The following VIT variants were observed in gnomAD, a reference collection of about 807,000 sequenced individuals.
VIT encodes the protein vitrin.
In VIT, 99 loss-of-function variants were observed where a neutral mutation model predicts 78.0. That is an observed-to-expected ratio of 1.27 (90% CI 1.08 to 1.50). VIT has a LOEUF of 1.50. Among genes scored for constraint, VIT ranks in the 40% most tolerant of loss-of-function variants. The probability of loss-of-function intolerance (pLI) is 0.00; values close to 1 mark genes in which losing one functional copy is unlikely to be tolerated. For missense variants in VIT, 1,126 were observed against 875.3 expected (o/e 1.29, Z -3.61); for synonymous variants, 374 against 334.3 (o/e 1.12, Z -1.29).
At chr2:36,755,151 T>C in intron 5 of VIT, 97 bp downstream of exon 5, 3 of 1,330,504 alleles carry the variant, frequency 2.3e-6, no homozygotes, top group Non-Finnish European at 3.0e-6. Context: ...GCCCACCTCA[T>C]TTCATAAAAA....
chr2:36,781,754 C>G lies in VIT; in HGVS notation c.830C>G (p.Ser277Trp). ...LGEMDSWKPG[S>W]VLLDEGLVPK... ...GAGATGGACTCATGGAAACCTGGAT[C>G]GGTCCTTTTAGATGAAGGTAATTAT... The change falls in exon 10 of 16, where the codon TCG becomes TGG. Residue 277 changes from serine to tryptophan, a missense_variant. By Grantham distance (177) the Ser-to-Trp change is radical. Transcript: ENST00000379242. 6.2e-7 allele frequency: 1 copy of G among 1,614,122 alleles called. No homozygotes were observed. The highest frequency in any genetic ancestry group is 1.1e-5 in the South Asian group (1 of 91,078).
In VIT at chr2:36,814,335, GA is replaced by G; in HGVS notation, c.2057del (p.Glu686GlyfsTer32). 6.2e-7 allele frequency: 1 copy of G among 1,614,200 alleles called. No individual in the cohort carries two copies. The highest frequency in any genetic ancestry group is 8.5e-7 in the Non-Finnish European group (1 of 1,180,040). On this transcript the variant is annotated frameshift_variant, in exon 16 of 16. Transcript: ENST00000379242. LOFTEE classifies it high-confidence loss of function. Reference sequence around the variant, plus strand: ...CAGGATCATCCAGAACATTTGTACAGAGTTCAACTCACAGCCTCGGAACTGA... The same window carrying G: ...CAGGATCATCCAGAACATTTGTACAGGTTCAACTCACAGCCTCGGAACTGA... ...VPRIIQNICT[E>X]FNSQPRN
chr2:36,795,837 T>A (rs138825394), intron 12 of VIT, among the ~76,000 whole-genome samples: 18 of 152,288 alleles, frequency 1.2e-4, no homozygotes, highest in African/African-American at 4.1e-4. Flanking sequence ...AGTGCTGAAA[T>A]GCTAGCTAGC....
At position 36,755,295 on chromosome 2, in the gene VIT, T is replaced by C. The variant is rs112907535; in HGVS notation, c.409+241T>C. Reference sequence around the variant, plus strand: ...TTGTTTTAATTACACTGCAGTTATCTGTAAGTCCAATCAGATTTTTAATTA... The same window carrying C: ...TTGTTTTAATTACACTGCAGTTATCCGTAAGTCCAATCAGATTTTTAATTA... On this transcript the variant is annotated intron_variant, in intron 5 of 15. Transcript: ENST00000379242. Among the ~76,000 whole-genome samples, 511 of 152,374 alleles carry C rather than the reference T, an allele frequency of 3.4e-3. 5 individuals are homozygous for C. Among genetic ancestry groups the C allele is most frequent in the African/African-American group, 0.012 (500 of 41,584 alleles).
intron 5 of VIT, among the ~76,000 whole-genome samples, chr2:36,758,105 A>G (rs1237228892): frequency 2.0e-5 from 3 of 152,192 alleles, no homozygotes; most frequent in African/African-American, 4.8e-5. Flanking sequence ...TCATTACTAG[A>G]TGTAATATTG....
intron 15 of VIT, among the ~76,000 whole-genome samples, chr2:36,812,060 T>C (rs1398594343): frequency 3.3e-5 from 5 of 152,152 alleles, no homozygotes; most frequent in Admixed American, 2.0e-4. Context: ...GCTTAGACTG[T>C]CTAAACCCAG....
intron 12 of VIT, among the ~76,000 whole-genome samples, chr2:36,795,227 T>C (rs1665788779): frequency 6.6e-6 from 1 of 152,130 alleles, no homozygotes; most frequent in Admixed American, 6.5e-5. Flanking sequence ...ATCTCAAACT[T>C]GTAATTCCAG....
At chr2:36,730,503 C>T (rs1477798393) in intron 3 of VIT, among the ~76,000 whole-genome samples, 1 of 152,124 alleles carries the variant, frequency 6.6e-6, no homozygotes, top group African/African-American at 2.4e-5. Flanking sequence ...GTCCACATTC[C>T]AGTCAGTAGG....
intron 10 of VIT, among the ~76,000 whole-genome samples, chr2:36,782,475 T>G (rs1435514399): frequency 6.6e-6 from 1 of 152,222 alleles, no homozygotes. Context: ...GAAAGCTCAC[T>G]GCAGCCAAGC....
At chr2:36,791,693 T>C (rs764151133) in intron 12 of VIT, among the ~76,000 whole-genome samples, 4 of 152,128 alleles carry the variant, frequency 2.6e-5, no homozygotes, top group Non-Finnish European at 5.9e-5. Context: ...AGTGCAGGCA[T>C]CCTCTAGAAG....
At chr2:36,796,365 G>A (rs1665902058) in intron 12 of VIT, among the ~76,000 whole-genome samples, 2 of 152,212 alleles carry the variant, frequency 1.3e-5, no homozygotes, top group African/African-American at 4.8e-5. Context: ...AGGCTCACAG[G>A]AACCAAACCT....
intron 13 of VIT, among the ~76,000 whole-genome samples, chr2:36,801,619 C>T (rs747043226): frequency 7.9e-5 from 12 of 152,060 alleles, no homozygotes; most frequent in Non-Finnish European, 1.6e-4. Context: ...ATCAGCCTGG[C>T]CAGCATGGTT....
chr2:36,758,792 C>T (rs1668923900), intron 5 of VIT, among the ~76,000 whole-genome samples, 177 bp from the exon 6 acceptor site: 1 of 152,168 alleles, frequency 6.6e-6, no homozygotes, highest in East Asian at 1.9e-4. Context: ...ACAAGCTATA[C>T]AGGAAAACAA....
intron 15 of VIT, among the ~76,000 whole-genome samples, chr2:36,810,248 T>A (rs1277560206): frequency 6.6e-6 from 1 of 150,590 alleles, no homozygotes. Flanking sequence ...GCCGAGATCG[T>A]GCCATTGCAC....
intron 2 of VIT, among the ~76,000 whole-genome samples, chr2:36,725,786 C>T (rs1231658832): frequency 1.3e-5 from 2 of 152,104 alleles, no homozygotes; most frequent in African/African-American, 4.8e-5. Flanking sequence ...AAAACAAACA[C>T]ACCCGCCGGG....
chr2:36,760,095 A>G (rs2148564590), intron 6 of VIT, among the ~76,000 whole-genome samples: 1 of 151,888 alleles, frequency 6.6e-6, no homozygotes, highest in South Asian at 2.1e-4. Context: ...CCCAGGTTCA[A>G]GCGATTCTCC....
intron 12 of VIT, among the ~76,000 whole-genome samples, chr2:36,794,248 G>A (rs1254511993): frequency 1.3e-5 from 2 of 152,046 alleles, no homozygotes; most frequent in Non-Finnish European, 2.9e-5. Flanking sequence ...TCCAAACACA[G>A]AACAATCTAA....
At chr2:36,765,366 T>C (rs552035382) in intron 6 of VIT, among the ~76,000 whole-genome samples, 56 of 150,026 alleles carry the variant, frequency 3.7e-4, no homozygotes, top group African/African-American at 1.3e-3. Flanking sequence ...TCATGAAACA[T>C]ACAATCATGG....
intron 5 of VIT, 152 bp from the exon 6 acceptor site, chr2:36,758,817 T>A (rs1160321126): frequency 9.8e-6 from 7 of 716,760 alleles, no homozygotes; most frequent in Non-Finnish European, 1.6e-5. Context: ...CCACATGACA[T>A]TCTCATTGTA....
Sources: allele counts gnomAD v4.1 joint callset (sites outside exome capture counted in the v4.1 genomes callset), GRCh38; gene constraint gnomAD v4.1.1; transcripts MANE v1.5; gene names NCBI Gene and HGNC (gene_info 2026-07-23, HGNC 2026-07-21).